The following RELL1 variants were observed in gnomAD, a reference collection of about 807,000 sequenced individuals.
RELL1 encodes the protein RELT-like protein 1.
RELL1 carries 10 observed loss-of-function variants against 23.0 expected under a neutral mutation model. The ratio of observed to expected loss-of-function variants is 0.43; its 90% CI spans 0.27 to 0.74. The LOEUF (loss-of-function observed/expected upper bound fraction) is 0.74, where lower values mean the gene tolerates loss of function less well. RELL1 is among the 30% of genes least tolerant of loss of function. The pLI is 0.19. For synonymous variants in RELL1, 146 were observed against 146.8 expected (o/e 0.99, Z 0.04); for missense variants, 315 against 364.4 (o/e 0.86, Z 1.10).
intron 1 of RELL1, among the ~76,000 whole-genome samples, chr4:37,654,006 C>T (rs939915221): frequency 3.3e-5 from 5 of 152,182 alleles, no homozygotes; most frequent in African/African-American, 9.7e-5. Context: ...TGTTTTCACC[C>T]ACTAAGCTTT....
intron 1 of RELL1, among the ~76,000 whole-genome samples, chr4:37,651,057 CAAA>C (rs370325360): frequency 0.58 from 69,642 of 120,514 alleles, 18,105 homozygotes; most frequent in Middle Eastern, 0.68. Context: ...AAGACTGTCT[CAAA>C]AAAAAAAAAA....
chr4:37,681,900 G>C (rs187250843), intron 1 of RELL1, among the ~76,000 whole-genome samples: 15 of 152,256 alleles, frequency 9.9e-5, no homozygotes, highest in Non-Finnish European at 1.6e-4. Context: ...AGCATCCCAT[G>C]ACCTTGTTAC....
intron 6 of RELL1, among the ~76,000 whole-genome samples, chr4:37,621,466 A>G (rs551613775): frequency 6.6e-6 from 1 of 152,004 alleles, no homozygotes; most frequent in Non-Finnish European, 1.5e-5. Flanking sequence ...AAAAAATAAT[A>G]ATAATAATAA....
rs1720793945 is a variant in RELL1 at position 37,648,756 on chromosome 4, A to C, written c.313+520T>G. Among the ~76,000 whole-genome samples, 4 of 152,324 alleles carry C rather than the reference A, an allele frequency of 2.6e-5. No homozygotes were observed. The South Asian group carries it at 8.3e-4, about 32-fold the overall frequency. ...TTCCAATCACAAATATTTAAGATAG[A>C]ACTCCCCCAGCAAAAGTAACACCAC... is the stretch of plus-strand genomic sequence containing the variant. On this transcript the variant is annotated intron_variant, in intron 2 of 6. Transcript: ENST00000454158.
Position 37,613,806 on chromosome 4 carries a change from A to T in RELL1, c.*4-464T>A, listed in dbSNP as rs1307347102. Among the ~76,000 whole-genome samples, 3 of 152,388 alleles carry T rather than the reference A, an allele frequency of 2.0e-5. No individual in the cohort carries two copies. The East Asian group carries it at 5.8e-4, about 29-fold the overall frequency. On this transcript the variant is annotated intron_variant, in intron 6 of 6. Coordinates refer to ENST00000454158, the MANE Select transcript of RELL1 (RefSeq NM_001085400.2). ...GATTGTATTTTTAAGTCATTCTAACAACTGGCCCTTGTCAATGTCTACGTT... is the reference window on the plus strand; with the variant it reads ...GATTGTATTTTTAAGTCATTCTAACTACTGGCCCTTGTCAATGTCTACGTT...
chr4:37,639,556 C>T (rs1162616434), intron 3 of RELL1, among the ~76,000 whole-genome samples: 2 of 151,924 alleles, frequency 1.3e-5, no homozygotes, highest in African/African-American at 2.4e-5. Flanking sequence ...TCTTGAGTCC[C>T]CCAACCCACA....
In RELL1 at chr4:37,664,806, G is replaced by A. The variant is rs75964946; in HGVS notation, c.89-15306C>T. 5.5e-3 allele frequency among the ~76,000 whole-genome samples: 833 copies of A among 151,994 alleles called. 11 individuals are homozygous for A. The highest frequency in any genetic ancestry group is 0.019 in the African/African-American group (798 of 41,432). ...GTGGCCTACATGATATCACTGGGTC[G>A]AGGCAGAGAAATGAGCCAAGCAGAA... is the stretch of plus-strand genomic sequence containing the variant. On this transcript the variant is annotated intron_variant, in intron 1 of 6. Coordinates refer to ENST00000454158, the MANE Select transcript of RELL1 (RefSeq NM_001085400.2).
At position 37,686,344 on chromosome 4, in the gene RELL1, A is replaced by G; in HGVS notation, c.-57T>C. The G allele has an allele frequency of 7.4e-7, 1 of 1,346,394 alleles. No homozygotes were observed. Among genetic ancestry groups the G allele is most frequent in the Non-Finnish European group, 9.7e-7 (1 of 1,026,038 alleles). The allele number at this position is 1,346,394 out of a possible 1,614,324, so 83.4% of individuals were successfully genotyped here. ...CGCCGCGTCCCGCGCTCGGGAAGGC[A>G]GAGCCGCTCCGGAGCCGGCGGGCTG... On this transcript the variant is annotated 5_prime_UTR_variant, in exon 1 of 7. Coordinates refer to ENST00000454158, the MANE Select transcript of RELL1 (RefSeq NM_001085400.2).
chr4:37,651,214 G>T (rs1171562745), intron 1 of RELL1, among the ~76,000 whole-genome samples: 2 of 152,176 alleles, frequency 1.3e-5, no homozygotes, highest in Non-Finnish European at 2.9e-5. Flanking sequence ...CCAACACTTT[G>T]GGAGGCCAAG....
At chr4:37,647,928 C>A (rs1266917833) in intron 2 of RELL1, among the ~76,000 whole-genome samples, 1 of 152,180 alleles carries the variant, frequency 6.6e-6, no homozygotes, top group African/African-American at 2.4e-5. Flanking sequence ...TACCTACATT[C>A]AGGGCTTGGT....
rs748153208 is a variant in RELL1, at chr4:37,635,013, C to G, written c.554G>C (p.Gly185Ala). Residue 185 changes from glycine to alanine, a missense_variant, in exon 5 of 7, where the codon GGT (glycine) becomes GCT (alanine). By Grantham distance (60) the Gly-to-Ala change is moderately conservative. Coordinates refer to ENST00000454158, the MANE Select transcript of RELL1 (RefSeq NM_001085400.2). ...VCGHHLHTVG[G>A]VVERDVCHRC... The stretch of plus-strand genomic sequence containing the variant: ...ATGACACACATCCCTCTCGACAACA[C>G]CGCCCACCGTATGCAGATGATGGCC... The G allele has an allele frequency of 2.2e-5, 35 of 1,614,072 alleles. No individual in the cohort carries two copies. The highest frequency in any genetic ancestry group is 3.0e-5 in the Non-Finnish European group (35 of 1,180,046).
rs1271253111 is a variant in RELL1, at chr4:37,638,499, C to T, written c.391G>A (p.Ala131Thr). 6.2e-7 allele frequency: 1 copy of T among 1,609,836 alleles called. No homozygotes were observed. The highest frequency in any genetic ancestry group is 8.5e-7 in the Non-Finnish European group (1 of 1,176,936). Residue 131 changes from alanine to threonine, a missense_variant, in exon 4 of 7, where the codon GCT becomes ACT. Transcript: ENST00000454158. ...VHYIMKNEAN[A>T]DVLKAMVADN... ...GCTACCATCGCCTTTAAGACATCAG[C>T]ATTCGCTAAGGAATAAAAATAAAAT...
chr4:37,618,866 G>GTT, intron 6 of RELL1, among the ~76,000 whole-genome samples: 1 of 138,800 alleles, frequency 7.2e-6, no homozygotes, highest in African/African-American at 2.5e-5. Context: ...TTGGTTGGTC[G>GTT]TTTTTCTTTT....
intron 6 of RELL1, among the ~76,000 whole-genome samples, chr4:37,598,078 A>ATAT (rs1553870664): frequency 7.1e-5 from 9 of 126,740 alleles, no homozygotes; most frequent in South Asian, 5.2e-4. Context: ...TATATATCAT[A>ATAT]ATATATATAT....
At chr4:37,648,887 C>T (rs978730240) in intron 2 of RELL1, among the ~76,000 whole-genome samples, 2 of 152,152 alleles carry the variant, frequency 1.3e-5, no homozygotes, top group Non-Finnish European at 2.9e-5. Flanking sequence ...ATTCCAAATA[C>T]CAAATGCATC....
chr4:37,686,148 C>A (rs1722401593), intron 1 of RELL1, 52 bp downstream of exon 1: 1 of 1,476,670 alleles, frequency 6.8e-7, no homozygotes, highest in Admixed American at 1.9e-5. Context: ...TCCTTCCGCG[C>A]TCCCGGGACC....
intron 6 of RELL1, among the ~76,000 whole-genome samples, chr4:37,616,191 C>T (rs1719568320): frequency 6.6e-6 from 1 of 152,216 alleles, no homozygotes; most frequent in African/African-American, 2.4e-5. Context: ...GGGTCATTAA[C>T]TCAATCTTCC....
At chr4:37,634,361 C>A (rs1017374887) in intron 5 of RELL1, among the ~76,000 whole-genome samples, 3 of 152,220 alleles carry the variant, frequency 2.0e-5, no homozygotes, top group Middle Eastern at 3.2e-3. Context: ...TTTCTCAGTT[C>A]CCTGAAAGTT....
chr4:37,648,521 G>C lies in RELL1; in HGVS notation c.313+755C>G, dbSNP rs375952227. On this transcript the variant is annotated intron_variant, in intron 2 of 6. Coordinates refer to ENST00000454158, the MANE Select transcript of RELL1 (RefSeq NM_001085400.2). ...GGGGGAGTCACCTACTACCTCTCAA[G>C]GCCCAAGTCAGGAAACATCCCTAAA... Among the ~76,000 whole-genome samples, 13 of 152,334 alleles carry C rather than the reference G, an allele frequency of 8.5e-5. No individual in the cohort carries two copies. In the East Asian group the frequency reaches 2.1e-3, roughly 25 times the overall value.
Sources: allele counts gnomAD v4.1 joint callset (sites outside exome capture counted in the v4.1 genomes callset), GRCh38; gene constraint gnomAD v4.1.1; transcripts MANE v1.5; gene names NCBI Gene and HGNC (gene_info 2026-07-23, HGNC 2026-07-21).